CNTNAP3B: variants seen among roughly 807,000 people sequenced by gnomAD.
The protein encoded by CNTNAP3B is contactin-associated protein-like 3B.
CNTNAP3B carries 25 observed loss-of-function variants against 108.9 expected under a neutral mutation model. That is an observed-to-expected ratio of 0.23 (90% confidence interval 0.17 to 0.32). The LOEUF (loss-of-function observed/expected upper bound fraction) is 0.32. CNTNAP3B is among the 10% of genes least tolerant of loss of function. CNTNAP3B has a pLI of 1.00. For synonymous variants in CNTNAP3B, 103 were observed against 473.4 expected, an observed-to-expected ratio of 0.22 and a Z score of 10.16; for missense variants, 252 against 1,210.4, an observed-to-expected ratio of 0.21 and a Z score of 11.75.
At chr9:42,115,144 CTT>C (rs1275416703) in intron 1 of CNTNAP3B, among the ~76,000 whole-genome samples, 1 of 138,380 alleles carries the variant, frequency 7.2e-6, no homozygotes, top group Admixed American at 7.2e-5. Flanking sequence ...CACATTAAGA[CTT>C]TCAAACATTG....
Position 42,037,445 on chromosome 9 carries a change from T to G in CNTNAP3B, c.391-23920A>C, listed in dbSNP as rs1162422653. Among the ~76,000 whole-genome samples, 5 of 129,588 alleles carry G rather than the reference T, an allele frequency of 3.9e-5. 1 individual carries two copies. The highest frequency in any genetic ancestry group is 8.1e-5 in the Non-Finnish European group (5 of 61,978). The allele number at this position is 129,588 out of a possible 152,430, so 85.0% of individuals were successfully genotyped here. ...GTAGAGAAGTCCTTAAATGACCTGATGGAGCAGAAACCATGGCAAAAGAAC... is the reference window on the plus strand; with the variant it reads ...GTAGAGAAGTCCTTAAATGACCTGAGGGAGCAGAAACCATGGCAAAAGAAC... On this transcript the variant is annotated intron_variant, in intron 3 of 23. Coordinates refer to ENST00000377561, the MANE Select transcript of CNTNAP3B (RefSeq NM_001201380.3).
rs1184794694 is a variant in CNTNAP3B at position 42,107,063 on chromosome 9, G to A, written c.86-2324C>T. On this transcript the variant is annotated intron_variant, in intron 1 of 23. Transcript: ENST00000377561. ...TTTCACGTGTCCCTGGATTCCTGCA[G>A]TATCATGCGATACATGAAACAGCAC... is the stretch of plus-strand genomic sequence containing the variant. 2.2e-5 allele frequency among the ~76,000 whole-genome samples: 2 copies of A among 91,412 alleles called. 1 individual carries two copies. Among genetic ancestry groups the A allele is most frequent in the Non-Finnish European group, 4.5e-5 (2 of 44,062 alleles). The allele number at this position is 91,412 out of a possible 152,430, so 60.0% of individuals were successfully genotyped here. A position where few individuals can be genotyped will look rare whatever the true frequency, so the allele number is the denominator to read the frequency against.
At chr9:42,095,104 G>GAA (rs1289344986) in intron 2 of CNTNAP3B, among the ~76,000 whole-genome samples, 1 of 135,818 alleles carries the variant, frequency 7.4e-6, no homozygotes, top group Non-Finnish European at 1.6e-5. Context: ...CTGTGCAAAA[G>GAA]AACAACAGAA....
At position 42,094,345 on chromosome 9, in the gene CNTNAP3B, T is replaced by A. The variant is rs1166902335; in HGVS notation, c.196+10284A>T. Among the ~76,000 whole-genome samples the A allele has an allele frequency of 2.3e-5, 3 of 131,702 alleles. 1 individual carries two copies. The highest frequency in any genetic ancestry group is 2.3e-4 in the Admixed American group (3 of 13,296). The allele number at this position is 131,702 out of a possible 152,430, so 86.4% of individuals were successfully genotyped here. ...GGTTTTACATTTGTAAAGCGTTGCA[T>A]TTAAAAAAAAAAAACAAAGAGGGCG... On this transcript the variant is annotated intron_variant, in intron 2 of 23. Transcript: ENST00000377561.
At chr9:42,115,052 T>C (rs1346633508) in intron 1 of CNTNAP3B, among the ~76,000 whole-genome samples, 1 of 132,002 alleles carries the variant, frequency 7.6e-6, no homozygotes, top group Non-Finnish European at 1.6e-5. Flanking sequence ...AGACTCCATA[T>C]CGGAAAAAAA....
intron 1 of CNTNAP3B, among the ~76,000 whole-genome samples, chr9:42,110,025 C>T (rs1212040814): frequency 7.2e-6 from 1 of 138,064 alleles, no homozygotes; most frequent in African/African-American, 2.9e-5. Flanking sequence ...GGGAGTGTGG[C>T]CCATCTTGAT....
At chr9:42,078,167 ACTT>A (rs1017787568) in intron 2 of CNTNAP3B, among the ~76,000 whole-genome samples, 1 of 96,586 alleles carries the variant, frequency 1.0e-5, no homozygotes, top group Non-Finnish European at 2.1e-5. Context: ...AGTCTTTAGT[ACTT>A]CACTACATGT....
chr9:41,976,872 A>T (rs1333207684), intron 9 of CNTNAP3B, among the ~76,000 whole-genome samples: 8 of 133,832 alleles, frequency 6.0e-5, no homozygotes, highest in African/African-American at 2.4e-4. Flanking sequence ...GTGAGCTGTG[A>T]TTGCTCCATT....
At chr9:41,930,084 T>C (rs1210474571) in intron 14 of CNTNAP3B, among the ~76,000 whole-genome samples, 9 of 152,296 alleles carry the variant, frequency 5.9e-5, no homozygotes, top group Admixed American at 3.3e-4. Context: ...ATCATTATTT[T>C]TTAAAGTCCT....
At chr9:42,115,377 C>A (rs1366432236) in intron 1 of CNTNAP3B, among the ~76,000 whole-genome samples, 1 of 134,798 alleles carries the variant, frequency 7.4e-6, no homozygotes, top group Non-Finnish European at 1.6e-5. Flanking sequence ...GTTCTCCCAG[C>A]ATGGAGTTTG....
intron 3 of CNTNAP3B, among the ~76,000 whole-genome samples, chr9:42,060,184 C>T (rs1329893172): frequency 6.5e-5 from 9 of 138,170 alleles, no homozygotes; most frequent in Middle Eastern, 7.0e-3. Context: ...CTTATTTTGT[C>T]GAGCTATATT....
intron 1 of CNTNAP3B, among the ~76,000 whole-genome samples, chr9:42,113,489 A>G (rs1333988218): frequency 7.1e-6 from 1 of 139,932 alleles, no homozygotes; most frequent in Non-Finnish European, 1.5e-5. Context: ...AGGAAACCAA[A>G]TAACAAAATT....
intron 15 of CNTNAP3B, among the ~76,000 whole-genome samples, chr9:41,925,570 G>T (rs1344450610): frequency 6.6e-6 from 1 of 151,954 alleles, no homozygotes; most frequent in African/African-American, 2.4e-5. Context: ...TCCAGCCTGC[G>T]CAACAGAGCG....
chr9:41,958,628 A>T (rs951332040), intron 12 of CNTNAP3B, among the ~76,000 whole-genome samples: 1 of 151,780 alleles, frequency 6.6e-6, no homozygotes, highest in African/African-American at 2.4e-5. Context: ...CCTCCCTCCC[A>T]TCACCACCCT....
intron 13 of CNTNAP3B, among the ~76,000 whole-genome samples, chr9:41,938,823 G>T (rs1824238833): frequency 1.3e-5 from 2 of 152,266 alleles, no homozygotes; most frequent in African/African-American, 2.4e-5. Context: ...CCATCTTTTT[G>T]CTAACTACCT....
rs574535433 is a variant in CNTNAP3B at position 41,960,145 on chromosome 9, G to A, written c.1876+628C>T. 17 of 157,704 alleles carry A rather than the reference G, an allele frequency of 1.1e-4. No individual in the cohort carries two copies. The South Asian group carries it at 2.1e-3, about 19-fold the overall frequency. 9.8% of individuals were successfully genotyped at this position (157,704 alleles called of 1,614,324 possible). A position where few individuals can be genotyped will look rare whatever the true frequency, so the allele number is the denominator to read the frequency against. ...CCCAAGTAGCTGGGACTACAGGTGT[G>A]GGCGCCACCATGCCCAGCTAATTTT... is the stretch of plus-strand genomic sequence containing the variant. On this transcript the variant is annotated intron_variant, in intron 12 of 23. Transcript: ENST00000377561.
At chr9:41,968,775 G>A (rs1450467752) in intron 10 of CNTNAP3B, among the ~76,000 whole-genome samples, 1 of 143,006 alleles carries the variant, frequency 7.0e-6, no homozygotes, top group Non-Finnish European at 1.5e-5. Context: ...GGCAGGTTTT[G>A]AAAGTTCTAC....
chr9:42,056,332 A>T (rs866489070), intron 3 of CNTNAP3B, among the ~76,000 whole-genome samples: 3 of 76,168 alleles, frequency 3.9e-5, no homozygotes, highest in Non-Finnish European at 8.4e-5. Flanking sequence ...GAATTTTATT[A>T]TTATTATTAT....
At chr9:42,115,735 G>A (rs1314172305) in intron 1 of CNTNAP3B, among the ~76,000 whole-genome samples, 2 of 118,360 alleles carry the variant, frequency 1.7e-5, no homozygotes, top group Non-Finnish European at 3.5e-5. Context: ...AAAGACCAAA[G>A]GTACATAAAA....
Sources: gnomAD v4.1 joint callset for allele counts (sites outside exome capture counted in the v4.1 genomes callset) on GRCh38, gnomAD v4.1.1 for gene constraint, MANE v1.5 for transcripts, NCBI Gene and HGNC (gene_info 2026-07-23, HGNC 2026-07-21) for gene names.